The following REEP5 variants were observed in gnomAD, a reference collection of about 807,000 sequenced individuals.
REEP5 encodes receptor accessory protein 5.
REEP5 carries 24 observed loss-of-function variants against 22.4 expected under a neutral mutation model. The ratio of observed to expected loss-of-function variants is 1.07; its 90% CI spans 0.78 to 1.51. The LOEUF (loss-of-function observed/expected upper bound fraction) is 1.51. REEP5 is among the 40% of genes most tolerant of loss of function. REEP5 has a pLI of 0.00. For synonymous variants in REEP5, 103 were observed against 88.6 expected, an observed-to-expected ratio of 1.16 and a Z score of -0.92; for missense variants, 252 against 233.0, an observed-to-expected ratio of 1.08 and a Z score of -0.53.
At chr5:112,921,784 T>G in intron 1 of REEP5, 1 of 295,116 alleles carries the variant, frequency 3.4e-6, no homozygotes, top group Non-Finnish European at 6.3e-6. Flanking sequence ...ACAGCAGGAA[T>G]AGGGCGCCGG....
At chr5:112,915,323 C>T (rs1261505474) in intron 2 of REEP5, among the ~76,000 whole-genome samples, 2 of 152,176 alleles carry the variant, frequency 1.3e-5, no homozygotes, top group East Asian at 3.8e-4. Flanking sequence ...TAATTTAAAT[C>T]ATTCATCTTA....
At chr5:112,890,103 A>C (rs986968030) in intron 3 of REEP5, among the ~76,000 whole-genome samples, 1 of 150,360 alleles carries the variant, frequency 6.7e-6, no homozygotes, top group Non-Finnish European at 1.5e-5. Context: ...CTGGGATTAC[A>C]GGCGTGAGCC....
intron 2 of REEP5, among the ~76,000 whole-genome samples, chr5:112,908,458 G>A (rs190973997): frequency 1.3e-5 from 2 of 152,150 alleles, no homozygotes; most frequent in Non-Finnish European, 2.9e-5. Flanking sequence ...TCTCTATGAG[G>A]CTTTGTTAAA....
At chr5:112,918,673 G>C (rs1280032024) in intron 2 of REEP5, among the ~76,000 whole-genome samples, 1 of 152,114 alleles carries the variant, frequency 6.6e-6, no homozygotes, top group Non-Finnish European at 1.5e-5. Context: ...CCCATCCAAG[G>C]CAATCAGAAA....
chr5:112,900,185 C>A (rs1317699149), intron 3 of REEP5, among the ~76,000 whole-genome samples: 1 of 152,110 alleles, frequency 6.6e-6, no homozygotes, highest in Non-Finnish European at 1.5e-5. Context: ...AACCTTTTCC[C>A]ATTTTCTTTT....
chr5:112,904,979 G>T lies in REEP5; in HGVS notation c.213-2461C>A, dbSNP rs189130909. ...GATCACAACTTTGCAGAAAACCAAGGCATATGAAAGAAGCCAGGAAAAGGC... is the reference window on the plus strand; with the variant it reads ...GATCACAACTTTGCAGAAAACCAAGTCATATGAAAGAAGCCAGGAAAAGGC... On this transcript the variant is annotated intron_variant, in intron 2 of 4. Coordinates refer to ENST00000379638, the MANE Select transcript of REEP5 (RefSeq NM_005669.5). 4.4e-3 allele frequency among the ~76,000 whole-genome samples: 668 copies of T among 152,084 alleles called. 3 individuals are homozygous for T. Among genetic ancestry groups the T allele is most frequent in the Middle Eastern group, 0.01 (3 of 294 alleles).
intron 3 of REEP5, chr5:112,893,094 T>TAAAAAAAAA (rs552226372): frequency 4.8e-4 from 239 of 501,238 alleles, no homozygotes; most frequent in Middle Eastern, 2.0e-3. Context: ...GTTTTGTTCT[T>TAAAAAAAAA]AAAAAAAAAA....
intron 2 of REEP5, among the ~76,000 whole-genome samples, chr5:112,911,168 A>G (rs1231789510): frequency 6.6e-6 from 1 of 152,240 alleles, no homozygotes; most frequent in East Asian, 1.9e-4. Flanking sequence ...ATCTTGTTAT[A>G]TATTAAGGAA....
chr5:112,910,524 A>T (rs181379521), intron 2 of REEP5, among the ~76,000 whole-genome samples: 1 of 152,352 alleles, frequency 6.6e-6, no homozygotes, highest in Non-Finnish European at 1.5e-5. Flanking sequence ...CCAGATTTTT[A>T]AAACTATTTT....
intron 3 of REEP5, chr5:112,894,935 G>C (rs1768632271): frequency 6.6e-6 from 1 of 152,108 alleles, no homozygotes; most frequent in Non-Finnish European, 1.5e-5. Flanking sequence ...TGACTCATTG[G>C]ATTAAGAATC....
At chr5:112,891,996 G>A in intron 3 of REEP5, 1 of 1,268,052 alleles carries the variant, frequency 7.9e-7, no homozygotes, top group Non-Finnish European at 1.2e-6. Flanking sequence ...GGAAAGAACA[G>A]CAGAGGAAAG....
chr5:112,877,669 G>A lies in REEP5; in HGVS notation c.*1117C>T, dbSNP rs1044480306. Reference sequence around the variant, plus strand: ...ACTTAACTATTGCCAAGCAGATTATGGGTTACTTTATACTTCCTTTCATTC... The same window carrying A: ...ACTTAACTATTGCCAAGCAGATTATAGGTTACTTTATACTTCCTTTCATTC... On this transcript the variant is annotated 3_prime_UTR_variant, in exon 5 of 5. Coordinates refer to ENST00000379638, the MANE Select transcript of REEP5 (RefSeq NM_005669.5). The A allele has an allele frequency of 2.6e-5, 4 of 152,062 alleles. No individual in the cohort carries two copies. The highest frequency in any genetic ancestry group is 5.9e-5 in the Non-Finnish European group (4 of 68,022). The allele number at this position is 152,062 out of a possible 1,614,324, so 9.4% of individuals were successfully genotyped here.
In REEP5 at chr5:112,878,309, A is replaced by ATGTT. The variant is rs1203844322; in HGVS notation, c.*473_*476dup. 6.4e-6 allele frequency: 1 copy of ATGTT among 156,742 alleles called. No individual in the cohort carries two copies. The highest frequency in any genetic ancestry group is 6.2e-5 in the Admixed American group (1 of 16,082). The allele number at this position is 156,742 out of a possible 1,614,324, so 9.7% of individuals were successfully genotyped here. ...TGCTCCCTCCCCATGAGCATGATGC[A>ATGTT]TGTTGTAGTCAGACAGTAACATTTC... On this transcript the variant is annotated 3_prime_UTR_variant, in exon 5 of 5. Transcript: ENST00000379638.
chr5:112,904,970 A>G (rs1768923179), intron 2 of REEP5, among the ~76,000 whole-genome samples: 1 of 152,226 alleles, frequency 6.6e-6, no homozygotes, highest in Non-Finnish European at 1.5e-5. Flanking sequence ...AACTTTGCAG[A>G]AAACCAAGGC....
At chr5:112,881,061 G>A (rs1164015351) in intron 4 of REEP5, among the ~76,000 whole-genome samples, 2 of 148,614 alleles carry the variant, frequency 1.3e-5, no homozygotes, top group African/African-American at 5.0e-5. Context: ...CCTGGAAGGT[G>A]GAGGCTGCAG....
At chr5:112,911,767 T>C (rs1179680477) in intron 2 of REEP5, among the ~76,000 whole-genome samples, 1 of 152,206 alleles carries the variant, frequency 6.6e-6, no homozygotes, top group Non-Finnish European at 1.5e-5. Context: ...ATATACACCA[T>C]TGTACCAGTA....
intron 2 of REEP5, among the ~76,000 whole-genome samples, chr5:112,916,712 T>G (rs113708661): frequency 1.3e-5 from 2 of 152,120 alleles, no homozygotes; most frequent in African/African-American, 2.4e-5. Context: ...ACAAGGGAGG[T>G]AGCATAACGT....
chr5:112,919,875 T>C (rs1019494666), intron 2 of REEP5, among the ~76,000 whole-genome samples: 1 of 152,172 alleles, frequency 6.6e-6, no homozygotes, highest in Admixed American at 6.5e-5. Flanking sequence ...TTAAGCAACA[T>C]GGATTTTGAT....
At position 112,876,783 on chromosome 5, in the gene REEP5, T is replaced by TA. The variant is rs1356448200; in HGVS notation, c.*2002dup. The TA allele has an allele frequency of 1.3e-5, 2 of 152,166 alleles. No homozygotes were observed. The highest frequency in any genetic ancestry group is 2.4e-5 in the African/African-American group (1 of 41,426). 9.4% of individuals were successfully genotyped at this position (152,166 alleles called of 1,614,324 possible). A position where few individuals can be genotyped will look rare whatever the true frequency, so the allele number is the denominator to read the frequency against. On this transcript the variant is annotated 3_prime_UTR_variant, in exon 5 of 5. Transcript: ENST00000379638. ...TTCTCCTGCTGTTAACATTTACACT[T>TA]AGACTGCCAGCAACAGTTAACTTAA...
Sources: allele counts gnomAD v4.1 joint callset (sites outside exome capture counted in the v4.1 genomes callset), GRCh38; gene constraint gnomAD v4.1.1; transcripts MANE v1.5; gene names NCBI Gene and HGNC (gene_info 2026-07-23, HGNC 2026-07-21).